FBXO22: variants seen among roughly 807,000 people sequenced by gnomAD.
FBXO22 encodes F-box only protein 22.
FBXO22 carries 13 observed loss-of-function variants against 37.2 expected under a neutral mutation model. The observed-to-expected ratio is 0.35, with a 90% CI of 0.23 to 0.56. The LOEUF (loss-of-function observed/expected upper bound fraction) is 0.56, where lower values mean the gene tolerates loss of function less well. FBXO22 is among the 20% of genes least tolerant of loss of function. The probability of loss-of-function intolerance (pLI) is 0.87; values close to 1 mark genes in which losing one functional copy is unlikely to be tolerated. For synonymous variants in FBXO22, 189 were observed against 189.1 expected (o/e 1.00, Z 0.00); for missense variants, 446 against 509.9 (o/e 0.87, Z 1.21).
intron 5 of FBXO22, among the ~76,000 whole-genome samples, chr15:75,917,793 A>C (rs535992713): frequency 3.9e-5 from 6 of 152,282 alleles, no homozygotes; most frequent in South Asian, 4.1e-4. Context: ...AAGTTTTTAG[A>C]ATACGCGGGT....
At chr15:75,923,915 G>A (rs553515017) in intron 5 of FBXO22, among the ~76,000 whole-genome samples, 1 of 152,126 alleles carries the variant, frequency 6.6e-6, no homozygotes, top group Non-Finnish European at 1.5e-5. Flanking sequence ...GACAGGATGT[G>A]GTGACTGATG....
At position 75,914,090 on chromosome 15, in the gene FBXO22, T is replaced by G. The variant is rs1261726332; in HGVS notation, c.368-20T>G. 3.2e-6 allele frequency: 5 copies of G among 1,548,978 alleles called. No individual in the cohort carries two copies. Among genetic ancestry groups the G allele is most frequent in the Non-Finnish European group, 4.4e-6 (5 of 1,129,998 alleles). ...CTTTAAATGGATGATATTTATCATT[T>G]TGCTACTGTATTTTTACAGCAAGGA... On this transcript the variant is annotated intron_variant, in intron 3 of 6. Coordinates refer to ENST00000308275, the MANE Select transcript of FBXO22 (RefSeq NM_147188.3).
chr15:75,904,112 A>AGGAGGC lies in FBXO22; in HGVS notation c.140+18_140+23dup, dbSNP rs1187207974. 2 of 1,532,708 alleles carry AGGAGGC rather than the reference A, an allele frequency of 1.3e-6. No individual in the cohort carries two copies. Among genetic ancestry groups the AGGAGGC allele is most frequent in the African/African-American group, 2.8e-5 (2 of 72,524 alleles). 94.9% of individuals were successfully genotyped at this position (1,532,708 alleles called of 1,614,324 possible). ...TTGCTGCGGGTGGCCTGGTGAGGAGAGGAGGCGGAGGCGGGAAGCTTGCCT... is the reference window on the plus strand; with the variant it reads ...TTGCTGCGGGTGGCCTGGTGAGGAGAGGAGGCGGAGGCGGAGGCGGGAAGCTTGCCT... On this transcript the variant is annotated intron_variant, in intron 1 of 6. Coordinates refer to ENST00000308275, the MANE Select transcript of FBXO22 (RefSeq NM_147188.3).
In FBXO22 at chr15:75,914,939, C is replaced by T. The variant is rs542613012; in HGVS notation, c.463+734C>T. ...TTGTAAAGCATTTACAATAGAGATA[C>T]ACAAAGCAGTAAGTAAATGTTAGCT... On this transcript the variant is annotated intron_variant, in intron 4 of 6. Coordinates refer to ENST00000308275, the MANE Select transcript of FBXO22 (RefSeq NM_147188.3). Among the ~76,000 whole-genome samples, 13 of 152,290 alleles carry T rather than the reference C, an allele frequency of 8.5e-5. No homozygotes were observed. The South Asian group carries it at 2.7e-3, about 32-fold the overall frequency.
chr15:75,923,923 A>ATGT (rs2141718812), intron 5 of FBXO22, among the ~76,000 whole-genome samples: 1 of 152,168 alleles, frequency 6.6e-6, no homozygotes, highest in East Asian at 1.9e-4. Context: ...GTGGTGACTG[A>ATGT]TGAGATGTTA....
chr15:75,917,300 A>T lies in FBXO22; in HGVS notation c.534A>T (p.Leu178Phe). The change falls in exon 5 of 7, where the codon TTA becomes TTT. Residue 178 changes from leucine (L) to phenylalanine (F), a missense_variant. By Grantham distance (22) the Leu-to-Phe change is conservative (BLOSUM62 0). This residue lies in a region of FBXO22 where 315 missense variants were observed against 410.1 expected (regional missense o/e 0.77). Transcript: ENST00000308275. ...IEIGESGFAL[L>F]FPQIEGIKIQ... ...TTGGAGAATCTGGTTTTGCTTTATT[A>T]TTCCCTCAAATTGAAGGAATAAAAA... The T allele has an allele frequency of 6.2e-7, 1 of 1,611,488 alleles. No homozygotes were observed. The highest frequency in any genetic ancestry group is 8.5e-7 in the Non-Finnish European group (1 of 1,178,048).
chr15:75,929,839 C>T (rs1487431249), intron 5 of FBXO22, 45 bp from the exon 6 acceptor site: 14 of 1,605,812 alleles, frequency 8.7e-6, no homozygotes, highest in African/African-American at 2.7e-5. Context: ...AAAATAATTT[C>T]TGTTTTAAGG....
intron 5 of FBXO22, among the ~76,000 whole-genome samples, chr15:75,924,707 C>T (rs1567055193): frequency 6.6e-6 from 1 of 152,122 alleles, no homozygotes; most frequent in Non-Finnish European, 1.5e-5. Flanking sequence ...GGCAGCTCTA[C>T]CTGTCTGTAC....
rs756190837 is a variant in FBXO22 at position 75,932,769 on chromosome 15, C to T, written c.879C>T (p.Asn293=). 18 of 1,614,100 alleles carry T rather than the reference C, an allele frequency of 1.1e-5. No individual in the cohort carries two copies. Among genetic ancestry groups the T allele is most frequent in the East Asian group, 8.9e-5 (4 of 44,900 alleles). Residue 293 remains asparagine (N), a synonymous_variant, in exon 7 of 7, where the codon AAC becomes AAT. Transcript: ENST00000308275. ...TCCAGAGTGCCACTGTGCTCCTCAA[C>T]GAGGACGTCAGTGATGAGAAGACTG... ...HRIQSATVLL[N]EDVSDEKTAE...
intron 5 of FBXO22, among the ~76,000 whole-genome samples, chr15:75,920,098 A>G (rs1900285382): frequency 6.6e-6 from 1 of 152,240 alleles, no homozygotes. Flanking sequence ...AAACTGACCC[A>G]TTGTTAAGTG....
At chr15:75,907,604 T>C (rs1286571010) in intron 2 of FBXO22, among the ~76,000 whole-genome samples, 1 of 152,104 alleles carries the variant, frequency 6.6e-6, no homozygotes, top group Non-Finnish European at 1.5e-5. Flanking sequence ...ATTAGAAATA[T>C]TTTAAAGTCC....
rs184771169 is a variant in FBXO22, at chr15:75,918,929, T to C, written c.628+1535T>C. Among the ~76,000 whole-genome samples, 344 of 152,262 alleles carry C rather than the reference T, an allele frequency of 2.3e-3. 3 individuals are homozygous for C. Among genetic ancestry groups the C allele is most frequent in the East Asian group, 2.1e-3 (11 of 5,190 alleles). ...AGTTCTTGAGGTCTGTTGTACAACA[T>C]GGAGACTATAGTCAGTGACCATATA... On this transcript the variant is annotated intron_variant, in intron 5 of 6. Transcript: ENST00000308275.
chr15:75,935,077 A>T lies in FBXO22; in HGVS notation c.*1975A>T, dbSNP rs1006089794. On this transcript the variant is annotated 3_prime_UTR_variant, in exon 7 of 7. Coordinates refer to ENST00000308275, the MANE Select transcript of FBXO22 (RefSeq NM_147188.3). ...TAACCTTAGTGCAAAGTAAAAAGGG[A>T]AAAGTTGACCTAATAGAAACAATAG... The T allele has an allele frequency of 9.8e-5, 15 of 152,334 alleles. No homozygotes were observed. The highest frequency in any genetic ancestry group is 3.6e-4 in the African/African-American group (15 of 41,576). 9.4% of individuals were successfully genotyped at this position (152,334 alleles called of 1,614,324 possible).
At chr15:75,909,539 G>A (rs74024020) in intron 2 of FBXO22, among the ~76,000 whole-genome samples, 5,428 of 152,214 alleles carry the variant, frequency 0.036, 171 homozygotes, top group African/African-American at 0.081. Context: ...TGTGATGCCT[G>A]TTCAAATAAA....
rs191106000 is a variant in FBXO22 at position 75,911,147 on chromosome 15, T to C, written c.280-2056T>C. Among the ~76,000 whole-genome samples the C allele has an allele frequency of 2.4e-3, 368 of 152,336 alleles. 1 individual carries two copies. Among genetic ancestry groups the C allele is most frequent in the African/African-American group, 8.6e-3 (356 of 41,568 alleles). Reference sequence around the variant, plus strand: ...TATATCTGTTTTGGTACCAGTACCATGCTGTTTTGGTTACTGTAGCCTTGT... The same window carrying C: ...TATATCTGTTTTGGTACCAGTACCACGCTGTTTTGGTTACTGTAGCCTTGT... On this transcript the variant is annotated intron_variant, in intron 2 of 6. Transcript: ENST00000308275.
Position 75,942,147 on chromosome 15 carries a change from G to C in FBXO22, c.*9045G>C, listed in dbSNP as rs2031051991. The stretch of plus-strand genomic sequence containing the variant: ...AAGTTAGTAAAGACTGGTTGCCAGA[G>C]GTTCAGTGGGAGAGAGGGAGGGGTA... On this transcript the variant is annotated 3_prime_UTR_variant, in exon 7 of 7. Transcript: ENST00000308275. 4 of 152,078 alleles carry C rather than the reference G, an allele frequency of 2.6e-5. No homozygotes were observed. In the South Asian group the frequency reaches 8.3e-4, roughly 32 times the overall value. 9.4% of individuals were successfully genotyped at this position (152,078 alleles called of 1,614,324 possible). A position where few individuals can be genotyped will look rare whatever the true frequency, so the allele number is the denominator to read the frequency against.
Position 75,940,503 on chromosome 15 carries a change from G to A in FBXO22, c.*7401G>A, listed in dbSNP as rs1474661491. 3 of 143,640 alleles carry A rather than the reference G, an allele frequency of 2.1e-5. No homozygotes were observed. The highest frequency in any genetic ancestry group is 1.4e-4 in the Admixed American group (2 of 14,194). The allele number at this position is 143,640 out of a possible 1,614,324, so 8.9% of individuals were successfully genotyped here. A position where few individuals can be genotyped will look rare whatever the true frequency, so the allele number is the denominator to read the frequency against. Reference sequence around the variant, plus strand: ...TAGAAAAACCCATCCTGAATTTCATGTGGAATCTGAAGGGATCCCAAATAG... The same window carrying A: ...TAGAAAAACCCATCCTGAATTTCATATGGAATCTGAAGGGATCCCAAATAG... On this transcript the variant is annotated 3_prime_UTR_variant, in exon 7 of 7. Transcript: ENST00000308275.
At position 75,935,748 on chromosome 15, in the gene FBXO22, A is replaced by G. The variant is rs1244876809; in HGVS notation, c.*2646A>G. The G allele has an allele frequency of 1.3e-5, 2 of 152,090 alleles. No homozygotes were observed. Among genetic ancestry groups the G allele is most frequent in the Non-Finnish European group, 2.9e-5 (2 of 68,022 alleles). The allele number at this position is 152,090 out of a possible 1,614,324, so 9.4% of individuals were successfully genotyped here. A position where few individuals can be genotyped will look rare whatever the true frequency, so the allele number is the denominator to read the frequency against. ...ATATTGCAAATTTAACAAAGTGAACATGCAAAGAATTACAATAGAAATAAA... is the reference window on the plus strand; with the variant it reads ...ATATTGCAAATTTAACAAAGTGAACGTGCAAAGAATTACAATAGAAATAAA... On this transcript the variant is annotated 3_prime_UTR_variant, in exon 7 of 7. Transcript: ENST00000308275.
rs769395763 is a variant in FBXO22, at chr15:75,932,916, T to G, written c.1026T>G (p.Ala342=). ...ACAGAGCCAAGGGGAATGTTGAGGC[T>G]GATGCATTTAGAAAGTTTTTTCCTA... ...QYYRAKGNVE[A]DAFRKFFPSV... The change falls in exon 7 of 7, where the codon GCT becomes GCG. Residue 342 remains alanine, a synonymous_variant. Transcript: ENST00000308275. The G allele has an allele frequency of 6.2e-7, 1 of 1,614,260 alleles. No homozygotes were observed. The highest frequency in any genetic ancestry group is 8.5e-7 in the Non-Finnish European group (1 of 1,180,044).
Sources: gnomAD v4.1 joint callset for allele counts (sites outside exome capture counted in the v4.1 genomes callset) on GRCh38, gnomAD v4.1.1 for gene constraint, gnomAD v4.1.1 regional missense constraint, MANE v1.5 for transcripts, NCBI Gene and HGNC (gene_info 2026-07-23, HGNC 2026-07-21) for gene names.